The following PCTP variants were observed in gnomAD, a reference collection of about 807,000 sequenced individuals.
PCTP encodes the protein phosphatidylcholine transfer protein, also known as START domain-containing protein 2.
PCTP carries 27 observed loss-of-function variants against 31.0 expected under a neutral mutation model. The observed-to-expected ratio is 0.87, with a 90% CI of 0.64 to 1.20. The LOEUF is 1.20. Ranked by LOEUF, PCTP falls within the 50% of genes most tolerant of loss-of-function variation. The pLI is 0.00. For synonymous variants in PCTP, 108 were observed against 101.2 expected (o/e 1.07, Z -0.40); for missense variants, 287 against 268.2 (o/e 1.07, Z -0.49).
At chr17:55,761,147 G>A (rs1383782581) in intron 1 of PCTP, among the ~76,000 whole-genome samples, 2 of 152,086 alleles carry the variant, frequency 1.3e-5, no homozygotes, top group East Asian at 3.9e-4. Context: ...GCCTTTCTAA[G>A]CATCATTTCC....
intron 5 of PCTP, chr17:55,775,402 T>G (rs1911273931): frequency 8.1e-7 from 1 of 1,231,916 alleles, no homozygotes; most frequent in African/African-American, 1.6e-5. Flanking sequence ...CAAGATCTAC[T>G]ACTAGAGAGC....
At chr17:55,807,038 CAG>C (rs903202292) in intron 3 of PCTP, among the ~76,000 whole-genome samples, 1 of 152,096 alleles carries the variant, frequency 6.6e-6, no homozygotes, top group Non-Finnish European at 1.5e-5. Context: ...CAAAGTAAAT[CAG>C]AACATGTGAA....
At chr17:55,788,948 G>T (rs1403228684) in intron 3 of PCTP, among the ~76,000 whole-genome samples, 1 of 152,132 alleles carries the variant, frequency 6.6e-6, no homozygotes, top group African/African-American at 2.4e-5. Context: ...TGACATAGTA[G>T]AAAGAATACA....
At chr17:55,782,037 A>C (rs1055965059), downstream of PCTP, among the ~76,000 whole-genome samples, 1 of 152,178 alleles carries the variant, frequency 6.6e-6, no homozygotes, top group Non-Finnish European at 1.5e-5. Context: ...AGACCTCATG[A>C]TATAGTTCCA....
At chr17:55,759,284 G>A (rs773697196) in intron 1 of PCTP, among the ~76,000 whole-genome samples, 4 of 152,182 alleles carry the variant, frequency 2.6e-5, no homozygotes, top group African/African-American at 4.8e-5. Flanking sequence ...ACTTGGATCA[G>A]TGCCTGCTGT....
intron 3 of PCTP, among the ~76,000 whole-genome samples, chr17:55,820,294 A>G (rs1913073211): frequency 6.6e-6 from 1 of 152,228 alleles, no homozygotes; most frequent in Non-Finnish European, 1.5e-5. Context: ...TCCTGTTGCT[A>G]TAACAAAATA....
At chr17:55,773,521 C>T in intron 3 of PCTP, 1 of 532,406 alleles carries the variant, frequency 1.9e-6, no homozygotes, top group East Asian at 3.0e-5. Context: ...AATACATGCT[C>T]TTTGGTGAGA....
downstream of PCTP, among the ~76,000 whole-genome samples, chr17:55,778,069 A>G (rs570107385): frequency 6.6e-6 from 1 of 152,298 alleles, no homozygotes; most frequent in South Asian, 2.1e-4. Flanking sequence ...ACTTATTTTA[A>G]AAGGTTACAG....
chr17:55,810,169 A>G (rs1912701656), intron 3 of PCTP, among the ~76,000 whole-genome samples: 2 of 152,054 alleles, frequency 1.3e-5, no homozygotes, highest in Admixed American at 6.6e-5. Flanking sequence ...ACAGGCATGC[A>G]CCACTATGTT....
Position 55,764,929 on chromosome 17 carries a change from A to C in PCTP, c.142-2406A>C, listed in dbSNP as rs181081582. On this transcript the variant is annotated intron_variant, in intron 1 of 5. Coordinates refer to ENST00000268896, the MANE Select transcript of PCTP (RefSeq NM_021213.4). The stretch of plus-strand genomic sequence containing the variant: ...CTTTAATTTTAATAATAGAGCCTTT[A>C]GGCAAAGCTGAGGGTCAGGAATTGT... 5.3e-5 allele frequency among the ~76,000 whole-genome samples: 8 copies of C among 152,354 alleles called. No homozygotes were observed. The East Asian group carries it at 1.5e-3, about 29-fold the overall frequency.
At chr17:55,824,687 C>A (rs1324418703), downstream of PCTP, among the ~76,000 whole-genome samples, 1 of 152,100 alleles carries the variant, frequency 6.6e-6, no homozygotes, top group African/African-American at 2.4e-5. Flanking sequence ...TATTTAGTCT[C>A]CTTGCAGAAC....
At chr17:55,812,496 G>A (rs1912784269) in intron 3 of PCTP, among the ~76,000 whole-genome samples, 1 of 152,188 alleles carries the variant, frequency 6.6e-6, no homozygotes, top group South Asian at 2.1e-4. Context: ...ATGTGGGAGT[G>A]CCAGATTAGA....
chr17:55,830,159 C>T (rs1179821457), intron 5 of PCTP, among the ~76,000 whole-genome samples: 1 of 152,170 alleles, frequency 6.6e-6, no homozygotes, highest in Non-Finnish European at 1.5e-5. Flanking sequence ...GAGATCGCCA[C>T]TTAATCAGTC....
downstream of PCTP, among the ~76,000 whole-genome samples, chr17:55,781,207 A>G (rs977967404): frequency 6.6e-6 from 1 of 152,226 alleles, no homozygotes; most frequent in African/African-American, 2.4e-5. Flanking sequence ...AATGTGATCA[A>G]TAAATGTTGG....
At chr17:55,804,082 T>C (rs1259966314) in intron 3 of PCTP, among the ~76,000 whole-genome samples, 1 of 152,170 alleles carries the variant, frequency 6.6e-6, no homozygotes, top group Non-Finnish European at 1.5e-5. Flanking sequence ...AAAGAAGACA[T>C]TTATGCAGCC....
chr17:55,751,625 G>C, intron 1 of PCTP: 1 of 762,538 alleles, frequency 1.3e-6, no homozygotes, highest in South Asian at 1.6e-5. Context: ...GGGTGGGGGA[G>C]GGGCGGTATC....
At chr17:55,751,369 C>G in intron 1 of PCTP, 125 bp downstream of exon 1, 2 of 1,530,498 alleles carry the variant, frequency 1.3e-6, no homozygotes, top group Non-Finnish European at 1.7e-6. Flanking sequence ...CAGGAAGGAG[C>G]TCCGCCCGGA....
downstream of PCTP, among the ~76,000 whole-genome samples, chr17:55,778,617 G>A (rs960921465): frequency 6.9e-6 from 1 of 144,568 alleles, no homozygotes; most frequent in Non-Finnish European, 1.5e-5. Context: ...GTGGGGTGCG[G>A]GGTGGGCGGT....
At position 55,771,161 on chromosome 17, in the gene PCTP, CCCTTTTCCCATGTCCAACAGAGACGTAT is replaced by C; in HGVS notation, c.321_339+9del. On this transcript the variant is annotated splice_donor_variant and splice_donor_region_variant and coding_sequence_variant and intron_variant, in exon 3 of 6. Transcript: ENST00000268896. LOFTEE classifies it high-confidence loss of function. Reference sequence around the variant, plus strand: ...CTGTGGTCTACTGGGAAGTGAAGTACCCTTTTCCCATGTCCAACAGAGACGTATCCTTTCCACAAGGTACTCATTCCCT... The same window carrying C: ...CTGTGGTCTACTGGGAAGTGAAGTACCCTTTCCACAAGGTACTCATTCCCT... 1 of 1,612,150 alleles carries C rather than the reference CCCTTTTCCCATGTCCAACAGAGACGTAT, an allele frequency of 6.2e-7. No individual in the cohort carries two copies.
Sources: gnomAD v4.1 joint callset for allele counts (sites outside exome capture counted in the v4.1 genomes callset) on GRCh38, gnomAD v4.1.1 for gene constraint, MANE v1.5 for transcripts, NCBI Gene and HGNC (gene_info 2026-07-23, HGNC 2026-07-21) for gene names.